The following TNIK variants were observed in gnomAD, a reference collection of about 807,000 sequenced individuals.
TNIK encodes TRAF2 and NCK-interacting protein kinase.
In TNIK, 49 loss-of-function variants were observed where a neutral mutation model predicts 191.3. That is an observed-to-expected ratio of 0.26 (90% CI 0.20 to 0.32). The LOEUF is 0.32. Among genes scored for constraint, TNIK ranks in the 10% least tolerant of loss-of-function variants. TNIK has a pLI of 1.00. For missense variants in TNIK, 1,155 were observed against 1,702.3 expected (o/e 0.68, Z 5.66); for synonymous variants, 594 against 600.9 (o/e 0.99, Z 0.17).
chr3:171,237,029 T>A (rs1425060543), intron 2 of TNIK, among the ~76,000 whole-genome samples: 1 of 152,286 alleles, frequency 6.6e-6, no homozygotes, highest in East Asian at 1.9e-4. Flanking sequence ...CCACCCACAG[T>A]CCTGTCTCAT....
intron 2 of TNIK, among the ~76,000 whole-genome samples, chr3:171,288,533 G>A (rs1751302131): frequency 6.6e-6 from 1 of 151,088 alleles, no homozygotes; most frequent in Admixed American, 6.6e-5. Context: ...GGCTGGCCGA[G>A]TGCGGTGGCT....
chr3:171,314,739 A>G (rs1754418476), intron 2 of TNIK, among the ~76,000 whole-genome samples: 2 of 152,100 alleles, frequency 1.3e-5, no homozygotes, highest in South Asian at 4.1e-4. Flanking sequence ...AAACACAATA[A>G]AACGATAGAG....
At chr3:171,336,701 G>A (rs976524204) in intron 2 of TNIK, among the ~76,000 whole-genome samples, 6 of 152,108 alleles carry the variant, frequency 3.9e-5, no homozygotes, top group Admixed American at 2.0e-4. Context: ...GCATTTCCAG[G>A]TGCACTAGAA....
chr3:171,458,438 G>A (rs1165115068), intron 1 of TNIK, among the ~76,000 whole-genome samples: 2 of 152,168 alleles, frequency 1.3e-5, no homozygotes. Flanking sequence ...CCAACTATCA[G>A]AACAGCCCAT....
At chr3:171,426,201 T>C (rs1724551109) in intron 1 of TNIK, among the ~76,000 whole-genome samples, 1 of 151,836 alleles carries the variant, frequency 6.6e-6, no homozygotes, top group Non-Finnish European at 1.5e-5. Context: ...GTGGCACATA[T>C]ACACCATGGA....
intron 2 of TNIK, among the ~76,000 whole-genome samples, chr3:171,229,293 G>T (rs1366989843): frequency 6.6e-6 from 1 of 152,160 alleles, no homozygotes; most frequent in Non-Finnish European, 1.5e-5. Context: ...CTTCCCTACT[G>T]AACTGTATGT....
intron 17 of TNIK, among the ~76,000 whole-genome samples, chr3:171,124,529 C>T (rs571118848): frequency 5.3e-5 from 8 of 152,030 alleles, no homozygotes; most frequent in African/African-American, 1.2e-4. Context: ...CAAAGGAGTC[C>T]GTTATTTAAA....
Position 171,157,799 on chromosome 3 carries a change from C to T in TNIK, c.1017-135G>A, listed in dbSNP as rs540808199. 19 of 879,168 alleles carry T rather than the reference C, an allele frequency of 2.2e-5. 1 individual carries two copies. The highest frequency in any genetic ancestry group is 2.1e-4 in the East Asian group (8 of 37,466). The allele number at this position is 879,168 out of a possible 1,614,324, so 54.5% of individuals were successfully genotyped here. On this transcript the variant is annotated intron_variant, in intron 11 of 32. Coordinates refer to ENST00000436636, the MANE Select transcript of TNIK (RefSeq NM_015028.4). The stretch of plus-strand genomic sequence containing the variant: ...GAAGAGCACAGGCTCCTAGATCCTC[C>T]GCTAATTCAATCATTCACCCCAAAG...
At chr3:171,256,448 A>G (rs1335184681) in intron 2 of TNIK, among the ~76,000 whole-genome samples, 5 of 152,208 alleles carry the variant, frequency 3.3e-5, no homozygotes, top group Non-Finnish European at 7.3e-5. Flanking sequence ...AATCTTCTTA[A>G]CCAAACGAGA....
intron 1 of TNIK, among the ~76,000 whole-genome samples, chr3:171,455,967 G>A (rs1292154640): frequency 6.6e-6 from 1 of 152,214 alleles, no homozygotes; most frequent in Non-Finnish European, 1.5e-5. Context: ...ACATGAGCAT[G>A]AAAAGTGTAG....
At chr3:171,080,116 T>C (rs1720477834) in intron 27 of TNIK, among the ~76,000 whole-genome samples, 1 of 152,174 alleles carries the variant, frequency 6.6e-6, no homozygotes, top group African/African-American at 2.4e-5. Context: ...AAAATTATAC[T>C]GGGCAGGTTT....
At chr3:171,067,446 G>A (rs1370791584) in intron 30 of TNIK, among the ~76,000 whole-genome samples, 1 of 151,842 alleles carries the variant, frequency 6.6e-6, no homozygotes, top group Non-Finnish European at 1.5e-5. Flanking sequence ...CGAGGCGGGC[G>A]GATCACGACG....
At chr3:171,081,489 G>C (rs1225716473) in intron 27 of TNIK, among the ~76,000 whole-genome samples, 1 of 149,226 alleles carries the variant, frequency 6.7e-6, no homozygotes, top group Non-Finnish European at 1.5e-5. Context: ...CTGGTCTGGG[G>C]GTGCAGCCTA....
chr3:171,244,023 GA>G (rs1745283915), intron 2 of TNIK, among the ~76,000 whole-genome samples: 1 of 151,492 alleles, frequency 6.6e-6, no homozygotes, highest in Non-Finnish European at 1.5e-5. Context: ...AACAATTGAA[GA>G]GGACTGCAAT....
At chr3:171,429,038 T>G (rs1725008798) in intron 1 of TNIK, among the ~76,000 whole-genome samples, 1 of 152,196 alleles carries the variant, frequency 6.6e-6, no homozygotes, top group African/African-American at 2.4e-5. Flanking sequence ...CATCAAGTAC[T>G]GTATTCCTAT....
chr3:171,399,087 T>C (rs1391542330), intron 1 of TNIK, among the ~76,000 whole-genome samples: 4 of 152,222 alleles, frequency 2.6e-5, no homozygotes, highest in African/African-American at 7.2e-5. Flanking sequence ...TGACAAATTG[T>C]AGGTGCTCCA....
intron 2 of TNIK, among the ~76,000 whole-genome samples, chr3:171,240,567 C>T (rs949021077): frequency 2.4e-4 from 36 of 152,030 alleles, no homozygotes; most frequent in African/African-American, 4.8e-5. Flanking sequence ...CCCCCAGTCC[C>T]CGACTCGCCC....
chr3:171,323,694 TCAGA>T (rs1560427836), intron 2 of TNIK, among the ~76,000 whole-genome samples: 39 of 151,888 alleles, frequency 2.6e-4, no homozygotes, highest in African/African-American at 7.5e-4. Context: ...TTCAGTATCA[TCAGA>T]TTGAAAATTC....
At chr3:171,283,037 T>C (rs1185224534) in intron 2 of TNIK, among the ~76,000 whole-genome samples, 1 of 152,178 alleles carries the variant, frequency 6.6e-6, no homozygotes, top group East Asian at 1.9e-4. Context: ...CCTGTGAAGA[T>C]TCTTATGAAT....
Sources: gnomAD v4.1 joint callset for allele counts (sites outside exome capture counted in the v4.1 genomes callset) on GRCh38, gnomAD v4.1.1 for gene constraint, MANE v1.5 for transcripts, NCBI Gene and HGNC (gene_info 2026-07-23, HGNC 2026-07-21) for gene names.